PTPN4: variants seen among roughly 807,000 people sequenced by gnomAD.
PTPN4 encodes the protein protein tyrosine phosphatase non-receptor type 4.
PTPN4 carries 49 observed loss-of-function variants against 135.5 expected under a neutral mutation model. That is an observed-to-expected ratio of 0.36 (90% CI 0.29 to 0.46). The LOEUF (loss-of-function observed/expected upper bound fraction) is 0.46, where lower values mean the gene tolerates loss of function less well. Among genes scored for constraint, PTPN4 ranks in the 20% least tolerant of loss-of-function variants. The pLI is 1.00. For synonymous variants in PTPN4, 333 were observed against 369.9 expected (o/e 0.90, Z 1.14); for missense variants, 860 against 1,101.0 (o/e 0.78, Z 3.10).
chr2:119,870,623 GATATAAGTCAATGGGGTAGAAGAAAC>G (rs1342991971), intron 3 of PTPN4, among the ~76,000 whole-genome samples: 5 of 152,026 alleles, frequency 3.3e-5, no homozygotes, highest in African/African-American at 1.2e-4. Flanking sequence ...TCTTAGTATC[GATATAAGTCAATGGGGTAGAAGAAAC>G]AGCCCAAGTA....
chr2:119,941,094 G>T (rs897016614), intron 15 of PTPN4, among the ~76,000 whole-genome samples: 2 of 152,026 alleles, frequency 1.3e-5, no homozygotes, highest in East Asian at 3.9e-4. Context: ...TCTTATACTT[G>T]GCAGATTTTT....
intron 1 of PTPN4, among the ~76,000 whole-genome samples, chr2:119,766,462 GTGTGTGTGTGTGTGTGTGTGT>G (rs1558718940): frequency 1.4e-4 from 19 of 138,836 alleles, no homozygotes; most frequent in Middle Eastern, 3.6e-3. Flanking sequence ...GTGTGTGTGT[GTGTGTGTGTGTGTGTGTGTGT>G]CTGTGTGTGT....
At chr2:119,838,812 A>G (rs1245505992) in intron 2 of PTPN4, among the ~76,000 whole-genome samples, 2 of 152,198 alleles carry the variant, frequency 1.3e-5, no homozygotes, top group Non-Finnish European at 2.9e-5. Flanking sequence ...AATTGCTTCT[A>G]TTTGCTGTTT....
intron 2 of PTPN4, among the ~76,000 whole-genome samples, chr2:119,843,564 G>A (rs1383408069): frequency 2.7e-5 from 3 of 110,996 alleles, no homozygotes; most frequent in South Asian, 3.5e-4. Flanking sequence ...CAGTAGGGGC[G>A]GCCGGGCAGA....
chr2:119,921,357 A>G (rs1678734605), intron 12 of PTPN4, among the ~76,000 whole-genome samples: 2 of 152,334 alleles, frequency 1.3e-5, no homozygotes, highest in South Asian at 4.1e-4. Context: ...TTATATGTTC[A>G]TGAGAAAAAT....
intron 1 of PTPN4, among the ~76,000 whole-genome samples, chr2:119,773,337 A>AT (rs1176021386): frequency 6.6e-6 from 1 of 151,946 alleles, no homozygotes; most frequent in Non-Finnish European, 1.5e-5. Flanking sequence ...TTATACGTGG[A>AT]TTTTTTTTCA....
At chr2:119,777,975 G>A (rs1458494249) in intron 1 of PTPN4, among the ~76,000 whole-genome samples, 4 of 151,956 alleles carry the variant, frequency 2.6e-5, no homozygotes, top group South Asian at 2.1e-4. Context: ...GCTTTCTGAA[G>A]GAAGTATAAA....
chr2:119,889,451 G>T (rs934061958), intron 9 of PTPN4, among the ~76,000 whole-genome samples: 1 of 152,006 alleles, frequency 6.6e-6, no homozygotes, highest in African/African-American at 2.4e-5. Context: ...ATGATCTTTC[G>T]TATTTCTGTA....
rs564441262 is a variant in PTPN4, at chr2:119,968,892, G to A, written c.2694+920G>A. Among the ~76,000 whole-genome samples the A allele has an allele frequency of 5.9e-5, 9 of 152,306 alleles. No homozygotes were observed. The South Asian group carries it at 1.7e-3, about 28-fold the overall frequency. ...ATTAATTATGCTTCAGGAGCCAAAA[G>A]AAGAATCATGGAATTTTAGTGTTAA... On this transcript the variant is annotated intron_variant, in intron 26 of 26. Coordinates refer to ENST00000263708, the MANE Select transcript of PTPN4 (RefSeq NM_002830.4).
intron 3 of PTPN4, among the ~76,000 whole-genome samples, chr2:119,869,750 C>T (rs891057910): frequency 6.6e-6 from 1 of 152,114 alleles, no homozygotes; most frequent in African/African-American, 2.4e-5. Flanking sequence ...GGTTGCTTTC[C>T]AGTGTCAAAT....
intron 9 of PTPN4, among the ~76,000 whole-genome samples, chr2:119,897,144 G>C (rs899807659): frequency 2.0e-5 from 3 of 151,980 alleles, no homozygotes; most frequent in African/African-American, 7.3e-5. Context: ...TGTTGGCCAG[G>C]CTGATCTCAA....
intron 2 of PTPN4, 21 bp from the exon 3 acceptor site, chr2:119,862,515 A>ATTT: frequency 7.1e-7 from 1 of 1,399,926 alleles, no homozygotes; most frequent in East Asian, 2.3e-5. Flanking sequence ...GATTTCATTC[A>ATTT]ATTTTTTTTT....
At chr2:119,924,645 A>G (rs1425877248) in intron 12 of PTPN4, among the ~76,000 whole-genome samples, 2 of 152,144 alleles carry the variant, frequency 1.3e-5, no homozygotes, top group East Asian at 1.9e-4. Flanking sequence ...TTTTGTTGTA[A>G]TGATAATACT....
intron 1 of PTPN4, among the ~76,000 whole-genome samples, chr2:119,789,885 G>A (rs1019441831): frequency 6.6e-6 from 1 of 151,692 alleles, no homozygotes; most frequent in African/African-American, 2.4e-5. Flanking sequence ...ACCATGCTCA[G>A]CTAATTTTTT....
chr2:119,847,330 T>TA (rs1411556668), intron 2 of PTPN4, among the ~76,000 whole-genome samples: 6,295 of 71,866 alleles, frequency 0.088, 274 homozygotes, highest in Non-Finnish European at 0.13. Flanking sequence ...ATATATATAT[T>TA]TTTTTTTTTT....
chr2:119,917,614 C>T (rs1574403511), intron 11 of PTPN4, among the ~76,000 whole-genome samples: 1 of 151,934 alleles, frequency 6.6e-6, no homozygotes, highest in African/African-American at 2.4e-5. Context: ...CCTGTATTTC[C>T]CGTTGCTTGG....
intron 2 of PTPN4, among the ~76,000 whole-genome samples, chr2:119,826,056 A>G (rs1677141934): frequency 6.6e-6 from 1 of 152,220 alleles, no homozygotes; most frequent in Non-Finnish European, 1.5e-5. Context: ...TCAATTTTAT[A>G]GGTCTGTGTT....
At chr2:119,959,663 ATATAC>A (rs1679336848) in intron 22 of PTPN4, among the ~76,000 whole-genome samples, 1 of 152,256 alleles carries the variant, frequency 6.6e-6, no homozygotes, top group African/African-American at 2.4e-5. Context: ...TATTTAGTAC[ATATAC>A]TATAATAAGT....
At chr2:119,933,815 A>G (rs1321079461) in intron 14 of PTPN4, among the ~76,000 whole-genome samples, 1 of 152,188 alleles carries the variant, frequency 6.6e-6, no homozygotes, top group South Asian at 2.1e-4. Context: ...CTAGAAAAAA[A>G]TGGACTTAGT....
Sources: gnomAD v4.1 joint callset for allele counts (sites outside exome capture counted in the v4.1 genomes callset) on GRCh38, gnomAD v4.1.1 for gene constraint, MANE v1.5 for transcripts, NCBI Gene and HGNC (gene_info 2026-07-23, HGNC 2026-07-21) for gene names.